RUNX1: variants seen among roughly 807,000 people sequenced by gnomAD.
RUNX1 encodes RUNX family transcription factor 1.
RUNX1 carries 19 observed loss-of-function variants against 42.8 expected under a neutral mutation model. The ratio of observed to expected loss-of-function variants is 0.44; its 90% CI spans 0.31 to 0.65. The LOEUF (loss-of-function observed/expected upper bound fraction) is 0.65. RUNX1 is among the 30% of genes least tolerant of loss of function. The probability of loss-of-function intolerance (pLI) is 0.07; values close to 1 mark genes in which losing one functional copy is unlikely to be tolerated. For missense variants in RUNX1, 528 were observed against 672.0 expected (o/e 0.79, Z 2.37); for synonymous variants, 271 against 289.4 (o/e 0.94, Z 0.64).
In RUNX1 at chr21:34,856,462, T is replaced by C. The variant is rs374165441; in HGVS notation, c.613+3012A>G. On this transcript the variant is annotated intron_variant, in intron 6 of 8. Transcript: ENST00000675419. ...GGTCAAAGAGTCTATAAGAAAGAAA[T>C]AGATGATGTACAGACAGTATGGTAT... 2.0e-4 allele frequency: 104 copies of C among 518,748 alleles called. 1 individual carries two copies. Among genetic ancestry groups the C allele is most frequent in the South Asian group, 1.1e-3 (77 of 71,562 alleles). The allele number at this position is 518,748 out of a possible 1,614,324, so 32.1% of individuals were successfully genotyped here.
Position 34,792,225 on chromosome 21 carries a change from G to C in RUNX1, c.1353C>G (p.Asp451Glu), listed in dbSNP as rs755054505. The C allele has an allele frequency of 6.5e-7, 1 of 1,540,200 alleles. No individual in the cohort carries two copies. Among genetic ancestry groups the C allele is most frequent in the South Asian group, 1.2e-5 (1 of 84,240 alleles). Residue 451 changes from aspartate (D) to glutamate (E), a missense_variant, in exon 9 of 9, where the codon GAC becomes GAG. Asp to Glu is a conservative substitution (Grantham distance 45). This residue lies in a region of RUNX1 where 331 missense variants were observed against 382.5 expected (regional missense o/e 0.87). Coordinates refer to ENST00000675419, the MANE Select transcript of RUNX1 (RefSeq NM_001754.5). This position sits in a 1 kb window ranked among gnomAD's most constrained non-coding sequence, Gnocchi z 6.9. ...TGTGGCTGCCCTCGGCCTCCACCAC[G>C]TCGCTCTGGTTCGGGAGGCTGGGGT... ...LLNPSLPNQS[D>E]VVEAEGSHSN...
intron 2 of RUNX1, among the ~76,000 whole-genome samples, chr21:34,946,332 G>T (rs549452778): frequency 5.9e-5 from 9 of 151,340 alleles, no homozygotes; most frequent in Non-Finnish European, 1.3e-4. Context: ...TGTAGCCATG[G>T]TCCCACAAAT....
At chr21:34,977,071 T>C (rs2058807721) in intron 2 of RUNX1, among the ~76,000 whole-genome samples, 1 of 152,240 alleles carries the variant, frequency 6.6e-6, no homozygotes. Flanking sequence ...TCTGTATAAT[T>C]TAATAAATTA....
intron 2 of RUNX1, 123 bp from the exon 3 acceptor site, chr21:34,893,086 C>A: frequency 3.0e-6 from 2 of 670,246 alleles, no homozygotes; most frequent in Non-Finnish European, 5.4e-6. Flanking sequence ...ATTTTTATAG[C>A]TTTGACACAA....
chr21:34,920,174 A>AT (rs201538366), intron 2 of RUNX1, among the ~76,000 whole-genome samples: 1 of 152,040 alleles, frequency 6.6e-6, no homozygotes. Context: ...AATCCCAATT[A>AT]TTTTTTTCCC....
In RUNX1 at chr21:34,899,634, T is replaced by C. The variant is rs115377415; in HGVS notation, c.59-6671A>G. Among the ~76,000 whole-genome samples the C allele has an allele frequency of 5.2e-3, 797 of 152,330 alleles. 10 individuals are homozygous for C. The highest frequency in any genetic ancestry group is 0.018 in the African/African-American group (768 of 41,578). On this transcript the variant is annotated intron_variant, in intron 2 of 8. Transcript: ENST00000675419. ...AGGCCTCACAAGGAGCTGCTTTACA[T>C]ACATTATCCCATTTAATTCTTGAGC... is the stretch of plus-strand genomic sequence containing the variant.
At chr21:34,994,460 C>T (rs1002676314) in intron 2 of RUNX1, among the ~76,000 whole-genome samples, 7 of 152,020 alleles carry the variant, frequency 4.6e-5, no homozygotes, top group African/African-American at 1.7e-4. Context: ...ATGGATACCC[C>T]ATTTTCCATG....
At chr21:35,034,457 G>A (rs1326186056) in intron 2 of RUNX1, among the ~76,000 whole-genome samples, 2 of 152,162 alleles carry the variant, frequency 1.3e-5, no homozygotes, top group African/African-American at 4.8e-5. Context: ...GGTCAAACCC[G>A]CCACATCATT....
At chr21:34,838,532 G>C (rs1410831723) in intron 6 of RUNX1, among the ~76,000 whole-genome samples, 3 of 152,146 alleles carry the variant, frequency 2.0e-5, no homozygotes, top group African/African-American at 7.2e-5. Context: ...TCTTCTAAAA[G>C]CATATAAGAA....
At chr21:34,817,532 AC>A (rs2056844034) in intron 7 of RUNX1, among the ~76,000 whole-genome samples, 1 of 152,108 alleles carries the variant, frequency 6.6e-6, no homozygotes, top group African/African-American at 2.4e-5. Context: ...TGTTTGAGTG[AC>A]TGCTGGCACC....
chr21:34,901,668 T>G lies in RUNX1; in HGVS notation c.59-8705A>C, dbSNP rs1322525442. Among the ~76,000 whole-genome samples, 1 of 152,184 alleles carries G rather than the reference T, an allele frequency of 6.6e-6. No homozygotes were observed. The highest frequency in any genetic ancestry group is 2.4e-5 in the African/African-American group (1 of 41,444). ...GTGTGGGCCCTTCTCCACATGCTCT[T>G]TGGTTCCGTCAGCTACAGACAGAGG... is the stretch of plus-strand genomic sequence containing the variant. On this transcript the variant is annotated intron_variant, in intron 2 of 8. Coordinates refer to ENST00000675419, the MANE Select transcript of RUNX1 (RefSeq NM_001754.5). The surrounding 1 kb of genome is among the most constrained non-coding windows in gnomAD (Gnocchi z 4.3).
rs372412304 is a variant in RUNX1, at chr21:34,930,270, G to GTGTGTATATATATATATA, written c.59-37308_59-37307insTATATATATATATACACA. 1.4e-3 allele frequency among the ~76,000 whole-genome samples: 176 copies of GTGTGTATATATATATATA among 122,736 alleles called. 1 individual carries two copies. The highest frequency in any genetic ancestry group is 5.5e-3 in the African/African-American group (144 of 26,420). 80.5% of individuals were successfully genotyped at this position (122,736 alleles called of 152,430 possible). A position where few individuals can be genotyped will look rare whatever the true frequency, so the allele number is the denominator to read the frequency against. On this transcript the variant is annotated intron_variant, in intron 2 of 8. Transcript: ENST00000675419. ...ATGTATATTATACGTGTGTGTGTAT[G>GTGTGTATATATATATATA]TATATATATATATATATATATAAAT... is the stretch of plus-strand genomic sequence containing the variant.
chr21:34,846,194 C>CTTCTTTTTTTTTTTTTTT, intron 6 of RUNX1, among the ~76,000 whole-genome samples: 1 of 102,264 alleles, frequency 9.8e-6, no homozygotes, highest in South Asian at 3.8e-4. Context: ...TTAAGGATGT[C>CTTCTTTTTTTTTTTTTTT]TTTTTTTTTT....
In RUNX1 at chr21:34,999,292, G is replaced by C. The variant is rs143148184; in HGVS notation, c.58+49550C>G. On this transcript the variant is annotated intron_variant, in intron 2 of 8. Coordinates refer to ENST00000675419, the MANE Select transcript of RUNX1 (RefSeq NM_001754.5). ...CCAGCATAACACGTTGTTAGCATATGTTAACAGGCTGCCTTTTCTCCAAAG... is the reference window on the plus strand; with the variant it reads ...CCAGCATAACACGTTGTTAGCATATCTTAACAGGCTGCCTTTTCTCCAAAG... Among the ~76,000 whole-genome samples the C allele has an allele frequency of 3.9e-5, 6 of 152,384 alleles. No homozygotes were observed. In the East Asian group the frequency reaches 1.2e-3, roughly 29 times the overall value.
chr21:34,909,588 C>CAGAAAAAAAAAAAAAAAAA (rs2058254685), intron 2 of RUNX1, among the ~76,000 whole-genome samples: 1 of 75,028 alleles, frequency 1.3e-5, no homozygotes, highest in African/African-American at 6.3e-5. Context: ...CACTGTTCCT[C>CAGAAAAAAAAAAAAAAAAA]AAAAAAAAAA....
chr21:34,874,272 T>C (rs1306961716), intron 5 of RUNX1, among the ~76,000 whole-genome samples: 4 of 152,022 alleles, frequency 2.6e-5, no homozygotes, highest in Admixed American at 2.6e-4. Flanking sequence ...TCTTTACTGA[T>C]CTGAACTTGT....
At chr21:34,937,305 A>C (rs1264577754) in intron 2 of RUNX1, among the ~76,000 whole-genome samples, 14 of 125,392 alleles carry the variant, frequency 1.1e-4, no homozygotes, top group Non-Finnish European at 1.6e-4. Flanking sequence ...CCATTGTAAC[A>C]TTGTGGCCAT....
chr21:34,925,742 T>C (rs558220968), intron 2 of RUNX1, among the ~76,000 whole-genome samples: 10 of 152,176 alleles, frequency 6.6e-5, no homozygotes, highest in Non-Finnish European at 1.0e-4. Flanking sequence ...GCTAATTATA[T>C]TGTAAGATCC....
chr21:35,027,706 G>C (rs965545256), intron 2 of RUNX1, among the ~76,000 whole-genome samples: 1 of 152,166 alleles, frequency 6.6e-6, no homozygotes, highest in African/African-American at 2.4e-5. Context: ...GGAAGGGTGG[G>C]ATGTGGCAAA....
Sources: allele counts gnomAD v4.1 joint callset (sites outside exome capture counted in the v4.1 genomes callset), GRCh38; gene constraint gnomAD v4.1.1; regional missense constraint gnomAD v4.1.1; non-coding constraint Gnocchi (gnomAD v3.1); transcripts MANE v1.5; gene names NCBI Gene and HGNC (gene_info 2026-07-23, HGNC 2026-07-21).